Variants in MAP3K7CL observed in about 807,000 individuals in gnomAD.
MAP3K7CL encodes MAP3K7 C-terminal-like protein.
A neutral mutation model predicts 18.6 loss-of-function variants in MAP3K7CL; 16 were observed. That is an observed-to-expected ratio of 0.86 (90% CI 0.58 to 1.31). MAP3K7CL has a LOEUF of 1.31. Among genes scored for constraint, MAP3K7CL ranks in the 50% most tolerant of loss-of-function variants. MAP3K7CL has a pLI of 0.00. For synonymous variants in MAP3K7CL, 65 were observed against 66.8 expected, an observed-to-expected ratio of 0.97 and a Z score of 0.13; for missense variants, 163 against 174.4, an observed-to-expected ratio of 0.93 and a Z score of 0.37.
chr21:29,168,524 C>T (rs149425167), intron 4 of MAP3K7CL, among the ~76,000 whole-genome samples: 1 of 152,156 alleles, frequency 6.6e-6, no homozygotes, highest in Admixed American at 6.5e-5. Flanking sequence ...TTTCAGTATC[C>T]CAGATGCCAT....
intron 4 of MAP3K7CL, among the ~76,000 whole-genome samples, chr21:29,103,802 G>T (rs1328432179): frequency 1.3e-5 from 2 of 152,032 alleles, no homozygotes; most frequent in Non-Finnish European, 2.9e-5. Flanking sequence ...GGGAGGCTGA[G>T]TTGGGAGGAT....
At chr21:29,134,944 G>A (rs998112586) in intron 2 of MAP3K7CL, among the ~76,000 whole-genome samples, 4 of 152,018 alleles carry the variant, frequency 2.6e-5, no homozygotes, top group African/African-American at 7.2e-5. Context: ...CCAGCTACTC[G>A]GGAGGCTGAG....
In MAP3K7CL at chr21:29,147,883, ATGTG is replaced by A. The variant is rs1191355477; in HGVS notation, c.71-1304_71-1301del. Among the ~76,000 whole-genome samples, 5 of 151,530 alleles carry A rather than the reference ATGTG, an allele frequency of 3.3e-5. No homozygotes were observed. In the East Asian group the frequency reaches 9.7e-4, roughly 29 times the overall value. The stretch of plus-strand genomic sequence containing the variant: ...TCTGTACTGTATCTCTATTATATGT[ATGTG>A]TATGTGTACTGTATCTGTATTGTAT... On this transcript the variant is annotated intron_variant, in intron 2 of 4. Coordinates refer to ENST00000399928, the MANE Select transcript of MAP3K7CL (RefSeq NM_001286620.2).
At chr21:29,083,122 T>C (rs1487523490), upstream of MAP3K7CL, among the ~76,000 whole-genome samples, 4 of 152,220 alleles carry the variant, frequency 2.6e-5, no homozygotes, top group Non-Finnish European at 4.4e-5. Context: ...TTTCTAAAGG[T>C]ACTTGGGTGT....
intron 2 of MAP3K7CL, among the ~76,000 whole-genome samples, chr21:29,142,773 C>A (rs1237735423): frequency 6.6e-6 from 1 of 152,168 alleles, no homozygotes; most frequent in Non-Finnish European, 1.5e-5. Context: ...TTTATCAATA[C>A]AAATTTTCAG....
In MAP3K7CL at chr21:29,149,242, C is replaced by T; in HGVS notation, c.124C>T (p.Gln42Ter). The T allele has an allele frequency of 6.2e-7, 1 of 1,613,582 alleles. No individual in the cohort carries two copies. Among genetic ancestry groups the T allele is most frequent in the Non-Finnish European group, 8.5e-7 (1 of 1,179,474 alleles). Residue 42 changes from glutamine (Q) to a stop codon, truncating the protein, a stop_gained, in exon 3 of 5, where the codon CAG becomes TAG. Coordinates refer to ENST00000399928, the MANE Select transcript of MAP3K7CL (RefSeq NM_001286620.2). LOFTEE classifies it high-confidence loss of function. ...TTTGGTCTTTCCAGAATTAGACCAGCAGCTACAGGTAAGGATTTTTCTAAA... is the reference window on the plus strand; with the variant it reads ...TTTGGTCTTTCCAGAATTAGACCAGTAGCTACAGGTAAGGATTTTTCTAAA... ...IPLVFPELDQ[Q>*]LQPLPPCHDS...
intron 3 of MAP3K7CL, among the ~76,000 whole-genome samples, chr21:29,151,176 A>G (rs1334561587): frequency 1.3e-5 from 2 of 151,396 alleles, no homozygotes; most frequent in African/African-American, 4.9e-5. Flanking sequence ...TGGGATTGCT[A>G]TTGAAAGTAA....
At chr21:29,122,933 G>A (rs923220736) in intron 4 of MAP3K7CL, among the ~76,000 whole-genome samples, 2 of 151,926 alleles carry the variant, frequency 1.3e-5, no homozygotes, top group African/African-American at 2.4e-5. Flanking sequence ...TATAAAATTG[G>A]TTGATAAGAA....
chr21:29,149,666 C>T (rs536001185), intron 3 of MAP3K7CL, among the ~76,000 whole-genome samples: 1 of 152,302 alleles, frequency 6.6e-6, no homozygotes, highest in South Asian at 2.1e-4. Context: ...TTTCTCTGTT[C>T]CCTGCCCCTT....
intron 2 of MAP3K7CL, chr21:29,091,632 C>T: frequency 1.4e-6 from 1 of 701,246 alleles, no homozygotes; most frequent in Non-Finnish European, 2.6e-6. Context: ...TGCACCACCA[C>T]ATCCAGCTAA....
chr21:29,144,069 C>T (rs77617139), intron 2 of MAP3K7CL, among the ~76,000 whole-genome samples: 113 of 152,080 alleles, frequency 7.4e-4, no homozygotes, highest in African/African-American at 2.6e-3. Flanking sequence ...TAATGATATC[C>T]GGTGGTCATT....
At chr21:29,141,786 A>G (rs1235202932) in intron 2 of MAP3K7CL, among the ~76,000 whole-genome samples, 4 of 152,128 alleles carry the variant, frequency 2.6e-5, no homozygotes, top group Admixed American at 1.3e-4. Flanking sequence ...TGTATATTAA[A>G]TAATTCACAT....
chr21:29,158,690 T>TA (rs2087465252), intron 3 of MAP3K7CL, among the ~76,000 whole-genome samples: 1 of 152,092 alleles, frequency 6.6e-6, no homozygotes, highest in South Asian at 2.1e-4. Context: ...GAACAAATAG[T>TA]AAAAAATTCA....
At chr21:29,103,710 G>A (rs1178667490) in intron 4 of MAP3K7CL, among the ~76,000 whole-genome samples, 1 of 151,958 alleles carries the variant, frequency 6.6e-6, no homozygotes, top group Non-Finnish European at 1.5e-5. Context: ...ACTCCAGCCT[G>A]GGTGACAGAG....
In MAP3K7CL at chr21:29,130,742, T is replaced by TG; in HGVS notation, c.-217dup. ...GGAGGTCCCGTGGGACGCTGGGGTC[T>TG]GGGGCAGAGCAGGTAGCAGCGTGCT... is the stretch of plus-strand genomic sequence containing the variant. On this transcript the variant is annotated 5_prime_UTR_variant, in exon 1 of 5. Coordinates refer to ENST00000399928, the MANE Select transcript of MAP3K7CL (RefSeq NM_001286620.2). The TG allele has an allele frequency of 1.0e-6, 1 of 985,530 alleles. No homozygotes were observed. The highest frequency in any genetic ancestry group is 1.2e-6 in the Non-Finnish European group (1 of 830,026). The allele number at this position is 985,530 out of a possible 1,614,324, so 61.0% of individuals were successfully genotyped here.
At chr21:29,155,103 A>G (rs2087368371) in intron 3 of MAP3K7CL, among the ~76,000 whole-genome samples, 1 of 152,230 alleles carries the variant, frequency 6.6e-6, no homozygotes, top group South Asian at 2.1e-4. Context: ...GTCATTTCTT[A>G]AAATATTTAA....
intron 4 of MAP3K7CL, among the ~76,000 whole-genome samples, chr21:29,112,526 CTTTATA>C (rs988764368): frequency 1.3e-5 from 2 of 151,866 alleles, no homozygotes; most frequent in Admixed American, 1.3e-4. Flanking sequence ...ATATATCTGA[CTTTATA>C]TTTATTTATT....
At chr21:29,083,942 AT>A (rs2085880225), upstream of MAP3K7CL, among the ~76,000 whole-genome samples, 1 of 147,402 alleles carries the variant, frequency 6.8e-6, no homozygotes, top group African/African-American at 2.5e-5. Context: ...TGAAATAATC[AT>A]TTAATATTAT....
At chr21:29,151,008 G>T (rs79261106) in intron 3 of MAP3K7CL, among the ~76,000 whole-genome samples, 15,900 of 150,554 alleles carry the variant, frequency 0.11, 1,186 homozygotes, top group East Asian at 0.32. Flanking sequence ...GACCTCAAGT[G>T]ATCCGCCCGC....
Sources: allele counts gnomAD v4.1 joint callset (sites outside exome capture counted in the v4.1 genomes callset), GRCh38; gene constraint gnomAD v4.1.1; transcripts MANE v1.5; gene names NCBI Gene and HGNC (gene_info 2026-07-23, HGNC 2026-07-21).